Variants in MYOM3 observed in about 807,000 individuals in gnomAD.
The protein encoded by MYOM3 is myomesin 3, also known as myomesin-3.
A neutral mutation model predicts 191.7 loss-of-function variants in MYOM3; 155 were observed. The ratio of observed to expected loss-of-function variants is 0.81; its 90% CI spans 0.71 to 0.92. The LOEUF (loss-of-function observed/expected upper bound fraction) is 0.92. MYOM3 is among the 40% of genes least tolerant of loss of function. The probability of loss-of-function intolerance (pLI) is 0.00; values close to 1 mark genes in which losing one functional copy is unlikely to be tolerated. For synonymous variants in MYOM3, 757 were observed against 762.9 expected (o/e 0.99, Z 0.13); for missense variants, 1,889 against 1,890.6 (o/e 1.00, Z 0.02).
intron 7 of MYOM3, among the ~76,000 whole-genome samples, chr1:24,096,237 T>C (rs1643877890): frequency 1.3e-5 from 2 of 152,076 alleles, no homozygotes; most frequent in Non-Finnish European, 2.9e-5. Flanking sequence ...AGAGTCAGGA[T>C]TGGAACTCAG....
At chr1:24,066,346 C>T in intron 28 of MYOM3, 1 of 651,874 alleles carries the variant, frequency 1.5e-6, no homozygotes. Context: ...ATGGTCCTGC[C>T]TTGAACATGG....
chr1:24,089,662 G>A lies in MYOM3; in HGVS notation c.1490C>T (p.Thr497Ile). 1 of 1,580,764 alleles carries A rather than the reference G, an allele frequency of 6.3e-7. No individual in the cohort carries two copies. Among genetic ancestry groups the A allele is most frequent in the Non-Finnish European group, 8.6e-7 (1 of 1,163,284 alleles). Residue 497 changes from threonine (T) to isoleucine (I), a missense_variant, in exon 14 of 37, where the codon ACT (threonine) becomes ATT (isoleucine). Transcript: ENST00000374434. ...ITISTDAFED[T>I]VTIPSPPTNV... ...GGTTGGCGGTGAGGGGATGGTCACA[G>A]TATCTGAAATCAGAGTCACCCGGGA...
chr1:24,108,062 T>C lies in MYOM3; in HGVS notation c.173A>G (p.His58Arg). 6.2e-7 allele frequency: 1 copy of C among 1,613,714 alleles called. No homozygotes were observed. Among genetic ancestry groups the C allele is most frequent in the Non-Finnish European group, 8.5e-7 (1 of 1,179,840 alleles). Reference protein sequence around the residue: ...RRTFRSSEEEHEFSAADYALA... With the variant: ...RRTFRSSEEEREFSAADYALA... ...GGCGTAGTCCGCGGCGCTGAACTCA[T>C]GCTCTTCTTCGCTGCTCCCAGAAGG... The change falls in exon 3 of 37, where the codon CAT (histidine) becomes CGT (arginine). Residue 58 changes from histidine (H) to arginine (R), a missense_variant. Physicochemically the swap from His to Arg is conservative, Grantham distance 29. Coordinates refer to ENST00000374434, the MANE Select transcript of MYOM3 (RefSeq NM_152372.4).
intron 27 of MYOM3, among the ~76,000 whole-genome samples, chr1:24,067,372 C>CT (rs1553155401): frequency 2.1e-5 from 2 of 95,038 alleles, no homozygotes; most frequent in Non-Finnish European, 4.1e-5. Context: ...TTCTTTCTTT[C>CT]CTTCTTTCTT....
chr1:24,086,726 G>A lies in MYOM3; in HGVS notation c.1716C>T (p.Val572=). The change falls in exon 15 of 37, where the codon GTC becomes GTT. Residue 572 remains valine (V), a synonymous_variant. Coordinates refer to ENST00000374434, the MANE Select transcript of MYOM3 (RefSeq NM_152372.4). ...ACTGGTTCATTGCTCGCACTCTGAA[G>A]ACATACGACTTCTTTTTCTCCAGGT... The part of the protein sequence containing the change: ...VLDLEKKKSY[V]FRVRAMNQYG... 1 of 1,614,196 alleles carries A rather than the reference G, an allele frequency of 6.2e-7. No homozygotes were observed. Among genetic ancestry groups the A allele is most frequent in the Non-Finnish European group, 8.5e-7 (1 of 1,180,032 alleles).
Position 24,108,562 on chromosome 1 carries a change from C to T in MYOM3, c.75G>A (p.Glu25=). ...PPQAMEVHRL[E]HRQEEEQKEE... The stretch of plus-strand genomic sequence containing the variant: ...CCTTCTGCTCCTCCTCCTGCCGGTG[C>T]TCCAGCCTGTGAACCTCCATGGCCT... The change falls in exon 2 of 37, where the codon GAG becomes GAA. Residue 25 remains glutamate (E), a synonymous_variant. Transcript: ENST00000374434. 6.3e-7 allele frequency: 1 copy of T among 1,578,942 alleles called. No individual in the cohort carries two copies. Among genetic ancestry groups the T allele is most frequent in the East Asian group, 2.3e-5 (1 of 43,072 alleles).
In MYOM3 at chr1:24,086,693, C is replaced by T. The variant is rs750444174; in HGVS notation, c.1749G>A (p.Leu583=). 5.6e-6 allele frequency: 9 copies of T among 1,614,044 alleles called. 1 individual carries two copies. In the South Asian group the frequency reaches 8.8e-5, roughly 16 times the overall value. Residue 583 remains leucine, a synonymous_variant, in exon 15 of 37, where the codon CTG becomes CTA. Coordinates refer to ENST00000374434, the MANE Select transcript of MYOM3 (RefSeq NM_152372.4). ...GTTCGCTGGGCTCCGAGGGATCGCTCAGGCCATACTGGTTCATTGCTCGCA... is the reference window on the plus strand; with the variant it reads ...GTTCGCTGGGCTCCGAGGGATCGCTTAGGCCATACTGGTTCATTGCTCGCA... ...FRVRAMNQYG[L]SDPSEPSEPI... is the part of the protein sequence containing the mutation.
At chr1:24,099,578 G>A (rs1393728693) in intron 6 of MYOM3, 102 bp downstream of exon 6, 3 of 888,274 alleles carry the variant, frequency 3.4e-6, no homozygotes, top group African/African-American at 1.7e-5. Context: ...TCTGAAGGAG[G>A]TGAACTTGGG....
intron 27 of MYOM3, among the ~76,000 whole-genome samples, chr1:24,067,416 T>C (rs1296094556): frequency 9.7e-6 from 1 of 103,058 alleles, no homozygotes; most frequent in Non-Finnish European, 2.0e-5. Flanking sequence ...CCTTCCTTCC[T>C]TCCTTCCTTC....
chr1:24,073,861 T>TAAAAAAAA (rs55682709), intron 23 of MYOM3, among the ~76,000 whole-genome samples: 1 of 81,512 alleles, frequency 1.2e-5, no homozygotes, highest in Admixed American at 1.6e-4. Flanking sequence ...AGACTCCGTC[T>TAAAAAAAA]AAAAAAAAAA....
rs575236207 is a variant in MYOM3 at position 24,082,664 on chromosome 1, C to G, written c.2021G>C (p.Arg674Thr). 2 of 1,612,766 alleles carry G rather than the reference C, an allele frequency of 1.2e-6. No homozygotes were observed. The highest frequency in any genetic ancestry group is 2.2e-5 in the South Asian group (2 of 90,718). The change falls in exon 17 of 37, where the codon AGG becomes ACG. Residue 674 changes from arginine to threonine, a missense_variant. Physicochemically the swap from Arg to Thr is moderately conservative, Grantham distance 71. Coordinates refer to ENST00000374434, the MANE Select transcript of MYOM3 (RefSeq NM_152372.4). ...GCCTACCCCAGCCTCGCTGACTGAC[C>G]TGACACAAAACTCGTACTCCTTCCC... is the stretch of plus-strand genomic sequence containing the variant. ...RTGKEYEFCV[R>T]SVSEAGVGES...
intron 16 of MYOM3, 25 bp from the exon 17 acceptor site, chr1:24,082,739 A>G (rs1411151453): frequency 1.3e-6 from 2 of 1,572,478 alleles, no homozygotes; most frequent in Non-Finnish European, 1.7e-6. Flanking sequence ...TGCAGCTTTC[A>G]TGGATGTACA....
Position 24,092,938 on chromosome 1 carries a change from T to C in MYOM3, c.1090+9A>G. On this transcript the variant is annotated intron_variant, in intron 10 of 36. Transcript: ENST00000374434. ...CCTGCTGCTACCCTGCGCCCACCCA[T>C]GCCCTCACCTCTCACAAGCACGTAG... The C allele has an allele frequency of 6.5e-7, 1 of 1,545,598 alleles. No homozygotes were observed. Among genetic ancestry groups the C allele is most frequent in the South Asian group, 1.2e-5 (1 of 82,798 alleles).
In MYOM3 at chr1:24,076,218, G is replaced by A. The variant is rs1643597751; in HGVS notation, c.2642C>T (p.Ser881Leu). The change falls in exon 21 of 37, where the codon TCA becomes TTA. Residue 881 changes from serine (S) to leucine (L), a missense_variant. Transcript: ENST00000374434. ...SYVFQVQAMN[S>L]AGLGQPSMPT... ...CATGGACGGTTGCCCCAGACCAGCT[G>A]AATTCATGGCCTGTACCTGGAACAC... The A allele has an allele frequency of 1.2e-6, 2 of 1,614,200 alleles. No individual in the cohort carries two copies. Among genetic ancestry groups the A allele is most frequent in the East Asian group, 4.5e-5 (2 of 44,880 alleles).
intron 1 of MYOM3, among the ~76,000 whole-genome samples, chr1:24,109,106 C>A (rs1022013758): frequency 6.6e-6 from 1 of 152,230 alleles, no homozygotes; most frequent in Non-Finnish European, 1.5e-5. Flanking sequence ...CATGTTCAGT[C>A]CTACCTCTGG....
chr1:24,093,058 G>C lies in MYOM3; in HGVS notation c.979C>G (p.Gln327Glu), dbSNP rs199846535. The C allele has an allele frequency of 2.7e-5, 44 of 1,613,032 alleles. No homozygotes were observed. The African/African-American group carries it at 4.7e-4, about 17-fold the overall frequency. ...GTGCAGGACACCTTCAGGGATGCCT[G>C]GCGGTCTGTGTAGAGGATCTTCCGA... ...RRRKILYTDRQASLKVSCTYK... is the reference protein window; with the variant it reads ...RRRKILYTDREASLKVSCTYK... The change falls in exon 10 of 37, where the codon CAG (glutamine) becomes GAG (glutamate). Residue 327 changes from glutamine (Q) to glutamate (E), a missense_variant. Transcript: ENST00000374434.
rs201992164 is a variant in MYOM3 at position 24,061,015 on chromosome 1, C to T, written c.3994+45G>A. 155 of 1,612,784 alleles carry T rather than the reference C, an allele frequency of 9.6e-5. No homozygotes were observed. In the African/African-American group the frequency reaches 1.8e-3, roughly 19 times the overall value. On this transcript the variant is annotated intron_variant, in intron 35 of 36. Transcript: ENST00000374434. ...GAGGGTTGAGCTTCCAGGAAGTTTG[C>T]CCCAAATTCAGAAACAAAAACAACA...
In MYOM3 at chr1:24,067,972, T is replaced by G; in HGVS notation, c.3353A>C (p.Gln1118Pro). 3 of 1,614,162 alleles carry G rather than the reference T, an allele frequency of 1.9e-6. No individual in the cohort carries two copies. The highest frequency in any genetic ancestry group is 2.5e-6 in the Non-Finnish European group (3 of 1,179,958). ...DAKRRDWKRK[Q>P]GPYFERPLQW... is the part of the protein sequence containing the mutation. ...AACTTCACCCCAGCAGCTCTTACCC[T>G]GTTTTCTCTTCCAGTCCCTTCTCTT... Residue 1118 changes from glutamine to proline, a missense_variant and splice_region_variant, in exon 27 of 37, where the codon CAG becomes CCG. Physicochemically the swap from Gln to Pro is moderately conservative, Grantham distance 76 (BLOSUM62 -1). Transcript: ENST00000374434.
chr1:24,063,421 A>C lies in MYOM3; in HGVS notation c.3661+71T>G. ...AAACCCACCCCCAATAGCCAAGGCC[A>C]GTGTTAGGCTGCTTGGAGGCTGTTG... On this transcript the variant is annotated intron_variant, in intron 31 of 36. Coordinates refer to ENST00000374434, the MANE Select transcript of MYOM3 (RefSeq NM_152372.4). The surrounding 1 kb of genome is among the most constrained non-coding windows in gnomAD (Gnocchi z 4.5). 5 of 1,576,424 alleles carry C rather than the reference A, an allele frequency of 3.2e-6. No homozygotes were observed. The highest frequency in any genetic ancestry group is 4.4e-6 in the Non-Finnish European group (5 of 1,146,046).
Sources: gnomAD v4.1 joint callset for allele counts (sites outside exome capture counted in the v4.1 genomes callset) on GRCh38, gnomAD v4.1.1 for gene constraint, Gnocchi (gnomAD v3.1) non-coding constraint, MANE v1.5 for transcripts, NCBI Gene and HGNC (gene_info 2026-07-23, HGNC 2026-07-21) for gene names.